Variants in OXNAD1 observed in about 807,000 individuals in gnomAD.
OXNAD1 encodes oxidoreductase NAD binding domain containing 1.
OXNAD1 carries 34 observed loss-of-function variants against 32.9 expected under a neutral mutation model. That is an observed-to-expected ratio of 1.03 (90% CI 0.79 to 1.38). The LOEUF is 1.38. Among genes scored for constraint, OXNAD1 ranks in the 40% most tolerant of loss-of-function variants. The pLI, the probability that OXNAD1 is intolerant of heterozygous loss-of-function variation, is 0.00. For missense variants in OXNAD1, 407 were observed against 379.4 expected (o/e 1.07, Z -0.60); for synonymous variants, 134 against 135.2 (o/e 0.99, Z 0.06).
intron 9 of OXNAD1, chr3:16,323,425 A>C (rs1484987832): frequency 6.2e-7 from 1 of 1,612,446 alleles, no homozygotes. Context: ...TCTCTGAAGA[A>C]AGACAATCTG....
rs1399552259 is a variant in OXNAD1 at position 16,336,837 on chromosome 3, T to TG, written c.*31-275_*31-274insG. 1.3e-5 allele frequency among the ~76,000 whole-genome samples: 2 copies of TG among 152,164 alleles called. No homozygotes were observed. The highest frequency in any genetic ancestry group is 4.8e-5 in the African/African-American group (2 of 41,444). On this transcript the variant is annotated intron_variant, in intron 9 of 9. Coordinates refer to the OXNAD1 transcript ENST00000435829. The surrounding 1 kb of genome is among the most constrained non-coding windows in gnomAD (Gnocchi z 6.0). The stretch of plus-strand genomic sequence containing the variant: ...AGAAAGGCAGCAAACTCAGTAGCCT[T>TG]TTAGGAGCTCAACGAAATAAAAAAT...
Position 16,317,788 on chromosome 3 carries a change from A to T in OXNAD1, c.*30+14196A>T, listed in dbSNP as rs1257162724. ...CAGCTAGGCCGATAGCCCTTTGCTG[A>T]CCACCACCTCACAGAAGGGTCACAC... On this transcript the variant is annotated intron_variant, in intron 9 of 9. Coordinates refer to the OXNAD1 transcript ENST00000435829. The surrounding 1 kb of genome is among the most constrained non-coding windows in gnomAD (Gnocchi z 4.3). 6.6e-6 allele frequency among the ~76,000 whole-genome samples: 1 copy of T among 151,940 alleles called. No homozygotes were observed.
Position 16,298,736 on chromosome 3 carries a change from T to TA in OXNAD1, c.433-2887dup, listed in dbSNP as rs1416969487. 6.6e-6 allele frequency among the ~76,000 whole-genome samples: 1 copy of TA among 152,158 alleles called. No individual in the cohort carries two copies. The highest frequency in any genetic ancestry group is 1.9e-4 in the East Asian group (1 of 5,178). ...GCTTTGGCTCAAGCTCTTGGCAGGGTAAAGGGTTCTAGACAGCTATTGTGT... is the reference window on the plus strand; with the variant it reads ...GCTTTGGCTCAAGCTCTTGGCAGGGTAAAAGGGTTCTAGACAGCTATTGTGT... On this transcript the variant is annotated intron_variant, in intron 6 of 8. Transcript: ENST00000285083. The surrounding 1 kb of genome is among the most constrained non-coding windows in gnomAD (Gnocchi z 5.1).
chr3:16,300,176 G>A (rs2067077832), intron 6 of OXNAD1, among the ~76,000 whole-genome samples: 1 of 152,148 alleles, frequency 6.6e-6, no homozygotes. Flanking sequence ...TGAAATGAAA[G>A]TCATAGTTAA....
rs2065664966 is a variant in OXNAD1, at chr3:16,280,503, A to C, written c.184-5839A>C. 6.6e-6 allele frequency among the ~76,000 whole-genome samples: 1 copy of C among 152,150 alleles called. No individual in the cohort carries two copies. Among genetic ancestry groups the C allele is most frequent in the Non-Finnish European group, 1.5e-5 (1 of 67,984 alleles). ...AGATTGATACTCTGCTACCATTTAA[A>C]TAATGTCTCTGGGTCTCGGTGTCTT... On this transcript the variant is annotated intron_variant, in intron 4 of 8. Transcript: ENST00000285083. This position sits in a 1 kb window ranked among gnomAD's most constrained non-coding sequence, Gnocchi z 4.5.
chr3:16,314,896 C>A lies in OXNAD1; in HGVS notation c.*30+11304C>A, dbSNP rs972959468. On this transcript the variant is annotated intron_variant, in intron 9 of 9. Coordinates refer to the OXNAD1 transcript ENST00000435829. The surrounding 1 kb of genome is among the most constrained non-coding windows in gnomAD (Gnocchi z 4.4). ...AAATCATGATCCTTTAAGATATGTG[C>A]CAAGAGATAATGTTTTTATTAAATC... 6.6e-6 allele frequency: 1 copy of A among 152,032 alleles called. No homozygotes were observed. Among genetic ancestry groups the A allele is most frequent in the African/African-American group, 2.4e-5 (1 of 41,362 alleles). 9.4% of individuals were successfully genotyped at this position (152,032 alleles called of 1,614,324 possible). A position where few individuals can be genotyped will look rare whatever the true frequency, so the allele number is the denominator to read the frequency against.
rs180798457 is a variant in OXNAD1 at position 16,282,866 on chromosome 3, C to T, written c.184-3476C>T. ...TTTCGGTGATTGAGTAGTAGAGAGC[C>T]GTTTAAGGTTTTTAAGCTGGAGAGT... On this transcript the variant is annotated intron_variant, in intron 4 of 8. Coordinates refer to ENST00000285083, the MANE Select transcript of OXNAD1 (RefSeq NM_138381.5). Among the ~76,000 whole-genome samples, 258 of 128,140 alleles carry T rather than the reference C, an allele frequency of 2.0e-3. 2 individuals are homozygous for T. Among genetic ancestry groups the T allele is most frequent in the African/African-American group, 8.0e-3 (249 of 31,230 alleles). 84.1% of individuals were successfully genotyped at this position (128,140 alleles called of 152,430 possible).
In OXNAD1 at chr3:16,320,302, TAGAAA is replaced by T. The variant is rs2068898127; in HGVS notation, c.*30+16712_*30+16716del. On this transcript the variant is annotated intron_variant, in intron 9 of 9. Transcript: ENST00000435829. The surrounding 1 kb of genome is among the most constrained non-coding windows in gnomAD (Gnocchi z 4.5). The stretch of plus-strand genomic sequence containing the variant: ...CTTTCCAATGCTGAAAAGTCCTGAT[TAGAAA>T]AATCTATCCATGTTGCTGATTAAAA... Among the ~76,000 whole-genome samples, 1 of 152,224 alleles carries T rather than the reference TAGAAA, an allele frequency of 6.6e-6. No individual in the cohort carries two copies. Among genetic ancestry groups the T allele is most frequent in the Admixed American group, 6.5e-5 (1 of 15,292 alleles).
At position 16,327,748 on chromosome 3, in the gene OXNAD1, G is replaced by A. The variant is rs142851662; in HGVS notation, c.*31-9364G>A. On this transcript the variant is annotated intron_variant, in intron 9 of 9. Transcript: ENST00000435829. This position sits in a 1 kb window ranked among gnomAD's most constrained non-coding sequence, Gnocchi z 4.2. ...TGCACTCCAGCCTGGGTGACAGAGC[G>A]GGATTCCCATCTCAAAAAAAAAAAC... Among the ~76,000 whole-genome samples the A allele has an allele frequency of 1.7e-3, 250 of 144,016 alleles. No homozygotes were observed. The highest frequency in any genetic ancestry group is 2.1e-3 in the Non-Finnish European group (140 of 65,512). The allele number at this position is 144,016 out of a possible 152,430, so 94.5% of individuals were successfully genotyped here. A position where few individuals can be genotyped will look rare whatever the true frequency, so the allele number is the denominator to read the frequency against.
chr3:16,324,095 G>A (rs2069400809), intron 9 of OXNAD1, among the ~76,000 whole-genome samples: 1 of 141,678 alleles, frequency 7.1e-6, no homozygotes, highest in Non-Finnish European at 1.6e-5. Flanking sequence ...GTATTGTAAA[G>A]AAGATCACTG....
At chr3:16,319,824 T>C (rs1032502941) in intron 9 of OXNAD1, among the ~76,000 whole-genome samples, 14 of 152,340 alleles carry the variant, frequency 9.2e-5, no homozygotes, top group African/African-American at 3.1e-4. Flanking sequence ...CAGATTTCAG[T>C]TGAGCCTCTG....
At chr3:16,307,889 A>AGTACT (rs2067678664), downstream of OXNAD1, among the ~76,000 whole-genome samples, 1 of 152,194 alleles carries the variant, frequency 6.6e-6, no homozygotes, top group African/African-American at 2.4e-5. Flanking sequence ...AAATTGGTAC[A>AGTACT]GTACTATTAA....
intron 6 of OXNAD1, among the ~76,000 whole-genome samples, chr3:16,296,291 C>T (rs1429712660): frequency 6.6e-6 from 1 of 152,072 alleles, no homozygotes; most frequent in Non-Finnish European, 1.5e-5. Flanking sequence ...AAAAAAAGCA[C>T]AGTTCATTTC....
In OXNAD1 at chr3:16,327,555, C is replaced by CAAA. The variant is rs1308412819; in HGVS notation, c.*31-9555_*31-9554insAAA. On this transcript the variant is annotated intron_variant, in intron 9 of 9. Transcript: ENST00000435829. This position sits in a 1 kb window ranked among gnomAD's most constrained non-coding sequence, Gnocchi z 4.2. ...CAGGTGGATCACATGGTCAGGAGAT[C>CAAA]AAGACCATCCTGGCTAACACAGTGA... 6.6e-6 allele frequency among the ~76,000 whole-genome samples: 1 copy of CAAA among 151,954 alleles called. No homozygotes were observed. Among genetic ancestry groups the CAAA allele is most frequent in the Non-Finnish European group, 1.5e-5 (1 of 67,970 alleles).
At position 16,303,543 on chromosome 3, in the gene OXNAD1, G is replaced by C. The variant is rs1363549840; in HGVS notation, c.920G>C (p.Cys307Ser). Reference protein sequence around the residue: ...ENNHVPKEHICFEKWW With the variant: ...ENNHVPKEHISFEKWW ...AACCATGTACCCAAAGAACACATTT[G>C]CTTTGAGAAGTGGTGGTAGGAGGCA... is the stretch of plus-strand genomic sequence containing the variant. The change falls in exon 9 of 9, where the codon TGC (cysteine) becomes TCC (serine). Residue 307 changes from cysteine (C) to serine (S), a missense_variant. By Grantham distance (112) the Cys-to-Ser change is moderately radical (BLOSUM62 -1). Transcript: ENST00000285083. The surrounding 1 kb of genome is among the most constrained non-coding windows in gnomAD (Gnocchi z 4.8). 1 of 1,613,804 alleles carries C rather than the reference G, an allele frequency of 6.2e-7. No individual in the cohort carries two copies. The highest frequency in any genetic ancestry group is 8.5e-7 in the Non-Finnish European group (1 of 1,179,908).
chr3:16,271,102 A>C lies in OXNAD1; in HGVS notation c.119+31A>C. ...TCATTAAGACTTCTGTGTCATTTGA[A>C]GTTAATTTTCAAAGAGACCCGACCT... On this transcript the variant is annotated intron_variant, in intron 3 of 8. Coordinates refer to ENST00000285083, the MANE Select transcript of OXNAD1 (RefSeq NM_138381.5). The surrounding 1 kb of genome is among the most constrained non-coding windows in gnomAD (Gnocchi z 4.6). 1 of 1,609,534 alleles carries C rather than the reference A, an allele frequency of 6.2e-7. No individual in the cohort carries two copies. The highest frequency in any genetic ancestry group is 8.5e-7 in the Non-Finnish European group (1 of 1,177,542).
At chr3:16,295,032 G>T in intron 6 of OXNAD1, 35 bp downstream of exon 6, 1 of 1,557,270 alleles carries the variant, frequency 6.4e-7, no homozygotes, top group East Asian at 2.3e-5. Flanking sequence ...CGATGATCTG[G>T]GTATCTCTGC....
intron 4 of OXNAD1, chr3:16,272,114 C>G (rs2064983298): frequency 2.4e-6 from 1 of 410,242 alleles, no homozygotes; most frequent in Non-Finnish European, 4.7e-6. Flanking sequence ...TGCGTCACAT[C>G]TCAAAGTTCT....
chr3:16,305,280 A>T lies in OXNAD1; in HGVS notation c.*1718A>T, dbSNP rs974289949. 8 of 152,220 alleles carry T rather than the reference A, an allele frequency of 5.3e-5. No homozygotes were observed. The highest frequency in any genetic ancestry group is 1.2e-4 in the Non-Finnish European group (8 of 68,056). The allele number at this position is 152,220 out of a possible 1,614,324, so 9.4% of individuals were successfully genotyped here. A position where few individuals can be genotyped will look rare whatever the true frequency, so the allele number is the denominator to read the frequency against. ...GTGGAGGTGCAAAGTGAGCATCTCCAGTGCAGCATGGGATGGGAAGATAGG... is the reference window on the plus strand; with the variant it reads ...GTGGAGGTGCAAAGTGAGCATCTCCTGTGCAGCATGGGATGGGAAGATAGG... On this transcript the variant is annotated 3_prime_UTR_variant, in exon 9 of 9. Transcript: ENST00000285083. This position sits in a 1 kb window ranked among gnomAD's most constrained non-coding sequence, Gnocchi z 4.5.
Sources: gnomAD v4.1 joint callset for allele counts (sites outside exome capture counted in the v4.1 genomes callset) on GRCh38, gnomAD v4.1.1 for gene constraint, Gnocchi (gnomAD v3.1) non-coding constraint, MANE v1.5 for transcripts, NCBI Gene and HGNC (gene_info 2026-07-23, HGNC 2026-07-21) for gene names.